The following CADM1 variants were observed in gnomAD, a reference collection of about 807,000 sequenced individuals.
The protein encoded by CADM1 is TSLC-1.
CADM1 carries 15 observed loss-of-function variants against 53.1 expected under a neutral mutation model. The observed-to-expected ratio is 0.28, with a 90% CI of 0.19 to 0.44. CADM1 has a LOEUF of 0.44. Among genes scored for constraint, CADM1 ranks in the 20% least tolerant of loss-of-function variants. The pLI is 1.00. For synonymous variants in CADM1, 281 were observed against 243.0 expected (o/e 1.16, Z -1.45); for missense variants, 434 against 611.3 (o/e 0.71, Z 3.06).
intron 1 of CADM1, among the ~76,000 whole-genome samples, chr11:115,410,043 C>G (rs1360974353): frequency 1.3e-5 from 2 of 152,232 alleles, no homozygotes; most frequent in African/African-American, 2.4e-5. Flanking sequence ...GAAAACATAT[C>G]TACTTAAGCA....
chr11:115,398,318 T>C (rs940944393), intron 1 of CADM1, among the ~76,000 whole-genome samples: 1 of 152,230 alleles, frequency 6.6e-6, no homozygotes, highest in Non-Finnish European at 1.5e-5. Flanking sequence ...TGCAATGAAC[T>C]GTAGTCTCCC....
intron 1 of CADM1, among the ~76,000 whole-genome samples, chr11:115,336,211 C>CTGTCGATTCAGCTA: frequency 6.6e-6 from 1 of 152,156 alleles, no homozygotes; most frequent in East Asian, 1.9e-4. Context: ...AGTTTAGTGC[C>CTGTCGATTCAGCTA]ACTAACTCGA....
At chr11:115,492,231 A>G (rs1949512469) in intron 1 of CADM1, among the ~76,000 whole-genome samples, 1 of 152,200 alleles carries the variant, frequency 6.6e-6, no homozygotes, top group South Asian at 2.1e-4. Context: ...GATATTAACA[A>G]AGGCTGTGTG....
intron 10 of CADM1, among the ~76,000 whole-genome samples, chr11:115,180,238 G>A (rs1939246414): frequency 2.0e-5 from 3 of 152,194 alleles, no homozygotes; most frequent in African/African-American, 7.2e-5. Context: ...GTGACTGAGG[G>A]TTCCATGAAA....
At chr11:115,400,640 T>C (rs1231940602) in intron 1 of CADM1, among the ~76,000 whole-genome samples, 1 of 41,310 alleles carries the variant, frequency 2.4e-5, no homozygotes, top group Non-Finnish European at 5.5e-5. Context: ...ATCATATATA[T>C]GTGTGTGTGT....
intron 1 of CADM1, among the ~76,000 whole-genome samples, chr11:115,241,536 TC>T (rs199757848): frequency 6.6e-6 from 1 of 152,220 alleles, no homozygotes; most frequent in East Asian, 1.9e-4. Flanking sequence ...TGAGCCAGTT[TC>T]CCATCTGAAG....
At chr11:115,375,354 G>A (rs753141699) in intron 1 of CADM1, among the ~76,000 whole-genome samples, 17 of 152,164 alleles carry the variant, frequency 1.1e-4, no homozygotes, top group East Asian at 1.9e-4. Context: ...GGAAGGAAGC[G>A]CAGTAATTTT....
intron 1 of CADM1, among the ~76,000 whole-genome samples, chr11:115,310,517 A>G (rs990459657): frequency 6.6e-6 from 1 of 152,156 alleles, no homozygotes; most frequent in African/African-American, 2.4e-5. Flanking sequence ...AGAAAAGATA[A>G]CAAAGACAGA....
chr11:115,241,469 G>GGA (rs970867977), intron 1 of CADM1, among the ~76,000 whole-genome samples: 29 of 152,270 alleles, frequency 1.9e-4, no homozygotes, highest in East Asian at 7.7e-4. Context: ...ATTGGGAAGG[G>GGA]GAGAGAGAGA....
chr11:115,288,823 G>A (rs1389548233), intron 1 of CADM1, among the ~76,000 whole-genome samples: 1 of 152,180 alleles, frequency 6.6e-6, no homozygotes, highest in Admixed American at 6.5e-5. Flanking sequence ...ATGAAAAAGT[G>A]GATTGGTACT....
intron 5 of CADM1, among the ~76,000 whole-genome samples, chr11:115,226,888 C>T (rs532549740): frequency 6.6e-6 from 1 of 152,336 alleles, no homozygotes; most frequent in East Asian, 1.9e-4. Context: ...GCTGACTCTG[C>T]AAAGTTCTCA....
At position 115,176,377 on chromosome 11, in the gene CADM1, A is replaced by T. The variant is rs2134572424; in HGVS notation, c.*97T>A. ...GTCTCACACCTTTCCACCCATTCAT[A>T]AAAAAACACACGAATTTCTCGCAAG... On this transcript the variant is annotated 3_prime_UTR_variant, in exon 12 of 12. Transcript: ENST00000331581. 4.4e-6 allele frequency: 7 copies of T among 1,599,168 alleles called. No homozygotes were observed. The highest frequency in any genetic ancestry group is 1.3e-5 in the African/African-American group (1 of 74,656).
At chr11:115,202,686 A>C (rs2134698471) in intron 8 of CADM1, among the ~76,000 whole-genome samples, 1 of 152,284 alleles carries the variant, frequency 6.6e-6, no homozygotes, top group Middle Eastern at 3.4e-3. Flanking sequence ...TATTTTCTTA[A>C]CTAAAGTCAA....
At chr11:115,359,201 A>G (rs1945962757) in intron 1 of CADM1, among the ~76,000 whole-genome samples, 1 of 152,212 alleles carries the variant, frequency 6.6e-6, no homozygotes, top group Admixed American at 6.6e-5. Flanking sequence ...ACAGTTTTCC[A>G]GCTGAGTGGC....
chr11:115,308,193 TG>T (rs1944434340), intron 1 of CADM1, among the ~76,000 whole-genome samples: 1 of 84,760 alleles, frequency 1.2e-5, no homozygotes, highest in Non-Finnish European at 2.0e-5. Context: ...CTCATAGGTG[TG>T]TATATATATA....
At chr11:115,325,269 A>G (rs1468258671) in intron 1 of CADM1, among the ~76,000 whole-genome samples, 2 of 152,138 alleles carry the variant, frequency 1.3e-5, no homozygotes, top group Non-Finnish European at 2.9e-5. Flanking sequence ...GAGAGCATCA[A>G]CGTGAACTCT....
At chr11:115,176,724 G>A in intron 11 of CADM1, 132 bp from the exon 12 acceptor site, 1 of 806,338 alleles carries the variant, frequency 1.2e-6, no homozygotes, top group South Asian at 1.3e-5. Flanking sequence ...AAAAACAATT[G>A]GAAGAAGAGA....
Position 115,239,201 on chromosome 11 carries a change from A to T in CADM1, c.272-549T>A, listed in dbSNP as rs571485968. On this transcript the variant is annotated intron_variant, in intron 2 of 11. Transcript: ENST00000331581. ...TAAAAAAGCCTTCATATTAATTACAAAAGCAACATGAAAAATTATTTTAAA... is the reference window on the plus strand; with the variant it reads ...TAAAAAAGCCTTCATATTAATTACATAAGCAACATGAAAAATTATTTTAAA... Among the ~76,000 whole-genome samples the T allele has an allele frequency of 2.6e-5, 4 of 152,316 alleles. No homozygotes were observed. In the South Asian group the frequency reaches 8.3e-4, roughly 32 times the overall value.
chr11:115,202,259 A>G (rs948627821), intron 8 of CADM1, among the ~76,000 whole-genome samples: 1 of 152,010 alleles, frequency 6.6e-6, no homozygotes, highest in Non-Finnish European at 1.5e-5. Context: ...TGTAAGCTCC[A>G]CTGTGGCACA....
Sources: gnomAD v4.1 joint callset for allele counts (sites outside exome capture counted in the v4.1 genomes callset) on GRCh38, gnomAD v4.1.1 for gene constraint, MANE v1.5 for transcripts, NCBI Gene and HGNC (gene_info 2026-07-23, HGNC 2026-07-21) for gene names.